The following RNLS variants were observed in gnomAD, a reference collection of about 807,000 sequenced individuals.
RNLS encodes the protein renalase.
RNLS carries 39 observed loss-of-function variants against 39.8 expected under a neutral mutation model. The ratio of observed to expected loss-of-function variants is 0.98; its 90% CI spans 0.76 to 1.28. The LOEUF is 1.28. RNLS is among the 50% of genes most tolerant of loss of function. The pLI is 0.00. For missense variants in RNLS, 410 were observed against 413.3 expected (o/e 0.99, Z 0.07); for synonymous variants, 147 against 150.7 (o/e 0.98, Z 0.18).
chr10:88,205,147 C>G, the RNLS span, among the ~76,000 whole-genome samples: 1 of 152,106 alleles, frequency 6.6e-6, no homozygotes, highest in African/African-American at 2.4e-5. Flanking sequence ...GCTTCACAGA[C>G]AAGTGGCAGG....
chr10:88,338,758 C>CTTTTT (rs36061512), intron 5 of RNLS, among the ~76,000 whole-genome samples: 15 of 112,488 alleles, frequency 1.3e-4, no homozygotes, highest in African/African-American at 2.2e-4. Flanking sequence ...GCTAGATTTC[C>CTTTTT]TTTTTTTTTT....
At chr10:88,190,297 G>A in the RNLS span, among the ~76,000 whole-genome samples, 2 of 152,144 alleles carry the variant, frequency 1.3e-5, no homozygotes, top group African/African-American at 4.8e-5. Context: ...TGATCTTGGC[G>A]ACCTGCCTGA....
downstream of RNLS, among the ~76,000 whole-genome samples, chr10:88,280,439 A>G (rs1842969718): frequency 6.6e-6 from 1 of 152,172 alleles, no homozygotes; most frequent in Non-Finnish European, 1.5e-5. Flanking sequence ...TGGATCAAAG[A>G]TAAGATCATA....
At chr10:88,437,032 G>C (rs746594064) in intron 4 of RNLS, among the ~76,000 whole-genome samples, 9 of 152,216 alleles carry the variant, frequency 5.9e-5, no homozygotes, top group Non-Finnish European at 1.0e-4. Flanking sequence ...CAGTTTGGGG[G>C]CTAATGTATA....
chr10:88,241,976 T>C, the RNLS span, among the ~76,000 whole-genome samples: 1 of 152,232 alleles, frequency 6.6e-6, no homozygotes, highest in Non-Finnish European at 1.5e-5. Context: ...CATATTCCTA[T>C]GTTTTCCTCT....
chr10:88,196,481 C>T, the RNLS span, among the ~76,000 whole-genome samples: 1 of 152,102 alleles, frequency 6.6e-6, no homozygotes, highest in Non-Finnish European at 1.5e-5. Flanking sequence ...TATTGCAGTC[C>T]CTCCCACAAA....
the RNLS span, among the ~76,000 whole-genome samples, chr10:88,211,331 C>G: frequency 4.6e-5 from 7 of 152,272 alleles, no homozygotes; most frequent in East Asian, 1.2e-3. Context: ...TAACAAGTGC[C>G]AGACATTACA....
chr10:88,412,159 G>A (rs1217219863), intron 4 of RNLS, among the ~76,000 whole-genome samples: 1 of 152,048 alleles, frequency 6.6e-6, no homozygotes, highest in Non-Finnish European at 1.5e-5. Flanking sequence ...AGGGGGGTCA[G>A]GTGAGAAGGC....
the RNLS span, among the ~76,000 whole-genome samples, chr10:88,244,157 G>C: frequency 1.3e-5 from 2 of 152,202 alleles, no homozygotes; most frequent in African/African-American, 4.8e-5. Flanking sequence ...CCAATCCGGG[G>C]TCTGCATGCT....
chr10:88,572,220 A>G (rs1849878373), intron 4 of RNLS, among the ~76,000 whole-genome samples: 1 of 151,580 alleles, frequency 6.6e-6, no homozygotes, highest in Non-Finnish European at 1.5e-5. Flanking sequence ...TTGGGGAAAG[A>G]TAGGAAATCA....
chr10:88,379,008 C>T (rs965619524), intron 4 of RNLS, among the ~76,000 whole-genome samples: 3 of 152,090 alleles, frequency 2.0e-5, no homozygotes, highest in Non-Finnish European at 4.4e-5. Flanking sequence ...TTTGTATGTG[C>T]TATACTTTTA....
intron 5 of RNLS, among the ~76,000 whole-genome samples, chr10:88,317,050 G>C (rs912980983): frequency 1.3e-5 from 2 of 152,060 alleles, no homozygotes. Context: ...CCTTGGTCAC[G>C]GGGAAGTTAA....
chr10:88,411,884 G>A (rs1042769770), intron 4 of RNLS, among the ~76,000 whole-genome samples: 4 of 140,640 alleles, frequency 2.8e-5, no homozygotes, highest in South Asian at 2.1e-4. Flanking sequence ...AGTCACATGC[G>A]ATGACATGGA....
chr10:88,561,543 T>A lies in RNLS; in HGVS notation c.526+11360A>T, dbSNP rs544555833. Among the ~76,000 whole-genome samples the A allele has an allele frequency of 6.6e-5, 10 of 152,216 alleles. No individual in the cohort carries two copies. The East Asian group carries it at 1.7e-3, about 26-fold the overall frequency. ...AGCTAGATACCTTTCTCATATTTTA[T>A]ATAAACATATATTCCATATAAAGAT... On this transcript the variant is annotated intron_variant, in intron 4 of 6. Coordinates refer to ENST00000331772, the MANE Select transcript of RNLS (RefSeq NM_001031709.3).
chr10:88,223,453 T>C, the RNLS span, among the ~76,000 whole-genome samples: 1 of 152,200 alleles, frequency 6.6e-6, no homozygotes, highest in Non-Finnish European at 1.5e-5. Context: ...CAGCATATAA[T>C]GCTTAATGAA....
At chr10:88,172,230 GT>G in the RNLS span, among the ~76,000 whole-genome samples, 1 of 152,092 alleles carries the variant, frequency 6.6e-6, no homozygotes, top group South Asian at 2.1e-4. Flanking sequence ...TCTATTTTTA[GT>G]TTTTTGAGGG....
intron 4 of RNLS, among the ~76,000 whole-genome samples, chr10:88,502,198 C>T (rs1031178058): frequency 2.0e-5 from 3 of 151,918 alleles, no homozygotes; most frequent in Non-Finnish European, 2.9e-5. Context: ...ATTATAATGG[C>T]TACGCTATGG....
chr10:88,243,546 C>T, the RNLS span, among the ~76,000 whole-genome samples: 1 of 152,208 alleles, frequency 6.6e-6, no homozygotes, highest in Non-Finnish European at 1.5e-5. Flanking sequence ...GTCTGCTCAG[C>T]ACAAACTTGG....
intron 4 of RNLS, among the ~76,000 whole-genome samples, chr10:88,486,291 A>G (rs1844513308): frequency 6.6e-6 from 1 of 152,156 alleles, no homozygotes; most frequent in South Asian, 2.1e-4. Flanking sequence ...AGGCAATACT[A>G]TCCTGGAAGT....
Sources: allele counts gnomAD v4.1 joint callset (sites outside exome capture counted in the v4.1 genomes callset), GRCh38; gene constraint gnomAD v4.1.1; transcripts MANE v1.5; gene names NCBI Gene and HGNC (gene_info 2026-07-23, HGNC 2026-07-21).